The following SNX25 variants were observed in gnomAD, a reference collection of about 807,000 sequenced individuals.
The protein encoded by SNX25 is sorting nexin 25, also known as sorting nexin-25.
Under a neutral mutation model 113.7 loss-of-function variants are expected in SNX25, and 62 were observed. The ratio of observed to expected loss-of-function variants is 0.55; its 90% CI spans 0.44 to 0.67. The LOEUF is 0.67. SNX25 is among the 30% of genes least tolerant of loss of function. The pLI, the probability that SNX25 is intolerant of heterozygous loss-of-function variation, is 0.00. For synonymous variants in SNX25, 421 were observed against 436.2 expected (o/e 0.97, Z 0.43); for missense variants, 1,014 against 1,161.0 (o/e 0.87, Z 1.84).
intron 1 of SNX25, among the ~76,000 whole-genome samples, chr4:185,245,387 G>C (rs1466056866): frequency 6.6e-6 from 1 of 151,830 alleles, no homozygotes; most frequent in Non-Finnish European, 1.5e-5. Flanking sequence ...TCTCAGGCTG[G>C]AGTGCAGTGG....
At chr4:185,322,206 A>G (rs1364955472) in intron 8 of SNX25, among the ~76,000 whole-genome samples, 4 of 152,146 alleles carry the variant, frequency 2.6e-5, no homozygotes, top group Non-Finnish European at 4.4e-5. Flanking sequence ...GCCAAGGTGG[A>G]CAGTTCACAA....
intron 5 of SNX25, among the ~76,000 whole-genome samples, chr4:185,284,851 A>G (rs981289324): frequency 6.6e-6 from 1 of 152,168 alleles, no homozygotes; most frequent in Non-Finnish European, 1.5e-5. Context: ...AAGGTAGTGT[A>G]AGCAAGAAGC....
At chr4:185,282,152 G>T (rs954090287) in intron 5 of SNX25, among the ~76,000 whole-genome samples, 5 of 152,026 alleles carry the variant, frequency 3.3e-5, no homozygotes, top group Admixed American at 2.6e-4. Flanking sequence ...TGAGACTAAG[G>T]TTTGGCCAGC....
At chr4:185,347,049 C>T (rs921101901) in intron 13 of SNX25, among the ~76,000 whole-genome samples, 1 of 152,212 alleles carries the variant, frequency 6.6e-6, no homozygotes, top group East Asian at 1.9e-4. Flanking sequence ...TTTCTGACTT[C>T]TTTCACTCAT....
chr4:185,237,151 G>A (rs1742763920), intron 1 of SNX25, among the ~76,000 whole-genome samples: 1 of 20,190 alleles, frequency 5.0e-5, no homozygotes, highest in African/African-American at 1.2e-4. Flanking sequence ...TTGACTAAGA[G>A]GGAAAAAAAG....
intron 8 of SNX25, 98 bp downstream of exon 8, chr4:185,320,962 A>C: frequency 1.9e-6 from 2 of 1,066,960 alleles, no homozygotes; most frequent in Non-Finnish European, 1.3e-6. Context: ...GTATACATTA[A>C]AAATATTTTA....
rs1231470928 is a variant in SNX25 at position 185,315,227 on chromosome 4, C to CA, written c.1344+4420dup. On this transcript the variant is annotated intron_variant, in intron 7 of 18. Coordinates refer to ENST00000652585, the MANE Select transcript of SNX25 (RefSeq NM_001378034.2). ...TCAGAGACAGAGCAAGACTCCATCTCAAAAAAAAAGAAAAGAAAAGAAAAC... is the reference window on the plus strand; with the variant it reads ...TCAGAGACAGAGCAAGACTCCATCTCAAAAAAAAAAGAAAAGAAAAGAAAAC... 3.6e-3 allele frequency among the ~76,000 whole-genome samples: 406 copies of CA among 113,982 alleles called. 3 individuals are homozygous for CA. Among genetic ancestry groups the CA allele is most frequent in the African/African-American group, 0.012 (387 of 32,484 alleles). 74.8% of individuals were successfully genotyped at this position (113,982 alleles called of 152,430 possible).
chr4:185,261,405 G>T (rs868323584), intron 3 of SNX25, among the ~76,000 whole-genome samples: 5 of 152,194 alleles, frequency 3.3e-5, no homozygotes, highest in Middle Eastern at 3.4e-3. Context: ...TCGAACTCCT[G>T]ACCTCAAGTG....
downstream of SNX25, among the ~76,000 whole-genome samples, chr4:185,368,489 C>T (rs2095400206): frequency 6.6e-6 from 1 of 151,728 alleles, no homozygotes; most frequent in South Asian, 2.1e-4. Flanking sequence ...CCGTTCCCTT[C>T]CTGCGGGACA....
intron 16 of SNX25, among the ~76,000 whole-genome samples, chr4:185,359,760 C>T (rs1417122777): frequency 6.6e-6 from 1 of 152,174 alleles, no homozygotes; most frequent in Non-Finnish European, 1.5e-5. Context: ...GTCAGCAAAT[C>T]ATGCATGCTT....
intron 5 of SNX25, among the ~76,000 whole-genome samples, chr4:185,275,338 A>G (rs1313346030): frequency 1.3e-5 from 2 of 152,216 alleles, no homozygotes; most frequent in African/African-American, 4.8e-5. Context: ...TAGCTTGGAG[A>G]AGAAAAGAAG....
chr4:185,378,308 TTC>T, the SNX25 span: 1 of 1,491,546 alleles, frequency 6.7e-7, no homozygotes, highest in African/African-American at 1.4e-5. Context: ...AAAAGCATCC[TTC>T]TCTCATCGCC....
chr4:185,250,017 A>G (rs1745419013), intron 2 of SNX25, among the ~76,000 whole-genome samples: 1 of 151,928 alleles, frequency 6.6e-6, no homozygotes, highest in African/African-American at 2.4e-5. Context: ...GTTGTTTTTG[A>G]TTGTATACTG....
intron 17 of SNX25, 186 bp downstream of exon 17, chr4:185,362,291 A>G: frequency 1.0e-6 from 1 of 985,422 alleles, no homozygotes; most frequent in Non-Finnish European, 1.2e-6. Flanking sequence ...GAACTTGAAA[A>G]ATGTTTTAGA....
At chr4:185,377,818 C>T in the SNX25 span, 2 of 340,280 alleles carry the variant, frequency 5.9e-6, no homozygotes, top group Non-Finnish European at 1.1e-5. Context: ...ACAAACGTGA[C>T]ATCTGCTTTC....
At chr4:185,266,487 A>G (rs1291027364) in intron 4 of SNX25, among the ~76,000 whole-genome samples, 1 of 152,000 alleles carries the variant, frequency 6.6e-6, no homozygotes, top group African/African-American at 2.4e-5. Flanking sequence ...CAGTCTCCCG[A>G]GTAGCTAGGA....
At chr4:185,343,089 C>G (rs201868829) in intron 12 of SNX25, among the ~76,000 whole-genome samples, 1 of 152,086 alleles carries the variant, frequency 6.6e-6, no homozygotes, top group Non-Finnish European at 1.5e-5. Context: ...CGGGGTTTCA[C>G]CATGTTGGCC....
At chr4:185,362,974 C>T (rs2095372911) in intron 18 of SNX25, among the ~76,000 whole-genome samples, 1 of 151,950 alleles carries the variant, frequency 6.6e-6, no homozygotes, top group African/African-American at 2.4e-5. Flanking sequence ...TCCCGAGTAG[C>T]TGGGATTACA....
the SNX25 span, chr4:185,375,496 A>ATATG: frequency 1.4e-5 from 1 of 69,098 alleles, no homozygotes; most frequent in Non-Finnish European, 2.4e-5. Context: ...AAATATATAT[A>ATATG]TATATATATA....
Sources: gnomAD v4.1 joint callset for allele counts (sites outside exome capture counted in the v4.1 genomes callset) on GRCh38, gnomAD v4.1.1 for gene constraint, MANE v1.5 for transcripts, NCBI Gene and HGNC (gene_info 2026-07-23, HGNC 2026-07-21) for gene names.